Variants in PRAME observed in about 807,000 individuals in gnomAD.
PRAME encodes PRAME nuclear receptor transcriptional regulator, also known as melanoma antigen preferentially expressed in tumors.
A neutral mutation model predicts 32.1 loss-of-function variants in PRAME; 21 were observed. The observed-to-expected ratio is 0.65, with a 90% CI of 0.46 to 0.94. PRAME has a LOEUF of 0.94. Ranked by LOEUF, PRAME falls within the 40% of genes least tolerant of loss-of-function variation. The pLI, the probability that PRAME is intolerant of heterozygous loss-of-function variation, is 0.00. For missense variants in PRAME, 651 were observed against 622.3 expected (o/e 1.05, Z -0.49); for synonymous variants, 274 against 251.5 (o/e 1.09, Z -0.85).
In PRAME at chr22:22,556,049, A is replaced by G. The variant is rs554077120; in HGVS notation, c.21+763T>C. 3 of 358,826 alleles carry G rather than the reference A, an allele frequency of 8.4e-6. No homozygotes were observed. The Admixed American group carries it at 9.0e-5, about 11-fold the overall frequency. The allele number at this position is 358,826 out of a possible 1,614,324, so 22.2% of individuals were successfully genotyped here. A position where few individuals can be genotyped will look rare whatever the true frequency, so the allele number is the denominator to read the frequency against. ...ACTCTTGTTGCCCAGGCTAGAGTGC[A>G]CTGGCACCATCTTGGCTCACTGCAA... On this transcript the variant is annotated intron_variant, in intron 3 of 5. Coordinates refer to ENST00000405655, the MANE Select transcript of PRAME (RefSeq NM_206956.3).
In PRAME at chr22:22,556,841, G is replaced by A. The variant is rs201666737; in HGVS notation, c.-9C>T. 6.2e-6 allele frequency: 10 copies of A among 1,612,762 alleles called. No homozygotes were observed. The highest frequency in any genetic ancestry group is 2.7e-5 in the African/African-American group (2 of 74,836). On this transcript the variant is annotated 5_prime_UTR_variant, in exon 3 of 6. Coordinates refer to ENST00000405655, the MANE Select transcript of PRAME (RefSeq NM_206956.3). The stretch of plus-strand genomic sequence containing the variant: ...AAACGCCTTCGTTCCATTTTGAAGC[G>A]ACTTAGGCTGGCCTCAGGACCTCCA...
chr22:22,548,282 C>G lies in PRAME; in HGVS notation c.1315G>C (p.Val439Leu), dbSNP rs147281170. The change falls in exon 6 of 6, where the codon GTG becomes CTG. Residue 439 changes from valine to leucine, a missense_variant. Transcript: ENST00000405655. The part of the protein sequence containing the change: ...HLIGLSNLTH[V>L]LYPVPLESYE... ...CTCTCCAGGGGGACAGGATACAGCA[C>G]GTGGGTCAGATTGCTCAGCCCGATG... 16 of 1,613,668 alleles carry G rather than the reference C, an allele frequency of 9.9e-6. No individual in the cohort carries two copies. The highest frequency in any genetic ancestry group is 1.3e-5 in the Non-Finnish European group (15 of 1,179,954).
Position 22,556,864 on chromosome 22 carries a change from C to T in PRAME, c.-32G>A, listed in dbSNP as rs767333663. The T allele has an allele frequency of 3.7e-6, 6 of 1,612,732 alleles. No homozygotes were observed. The highest frequency in any genetic ancestry group is 1.1e-5 in the South Asian group (1 of 91,074). On this transcript the variant is annotated 5_prime_UTR_variant, in exon 3 of 6. Transcript: ENST00000405655. ...GCGACTTAGGCTGGCCTCAGGACCT[C>T]CAACGCTTGGATTTCTAGGTCTCAG... is the stretch of plus-strand genomic sequence containing the variant.
In PRAME at chr22:22,549,666, T is replaced by C. The variant is rs2062451277; in HGVS notation, c.953+60A>G. ...CTGGCACATACAAGATATCCTTTATTGTTTACTGCAATAAGGAAGGGCTTG... is the reference window on the plus strand; with the variant it reads ...CTGGCACATACAAGATATCCTTTATCGTTTACTGCAATAAGGAAGGGCTTG... On this transcript the variant is annotated intron_variant, in intron 5 of 5. Coordinates refer to ENST00000405655, the MANE Select transcript of PRAME (RefSeq NM_206956.3). The C allele has an allele frequency of 1.3e-5, 19 of 1,519,496 alleles. No homozygotes were observed. In the South Asian group the frequency reaches 2.3e-4, roughly 18 times the overall value. The allele number at this position is 1,519,496 out of a possible 1,614,324, so 94.1% of individuals were successfully genotyped here.
In PRAME at chr22:22,548,662, G is replaced by C; in HGVS notation, c.954-19C>G. The C allele has an allele frequency of 6.5e-7, 1 of 1,545,922 alleles. No homozygotes were observed. The highest frequency in any genetic ancestry group is 8.8e-7 in the Non-Finnish European group (1 of 1,140,720). ...CACGTGCCTGCAAATAGACAAAGCAGTTAGTGCTGGGGAATGGTGGTAGTG... is the reference window on the plus strand; with the variant it reads ...CACGTGCCTGCAAATAGACAAAGCACTTAGTGCTGGGGAATGGTGGTAGTG... On this transcript the variant is annotated intron_variant, in intron 5 of 5. Transcript: ENST00000405655.
chr22:22,553,420 ATTAC>A (rs2062717339), intron 3 of PRAME, among the ~76,000 whole-genome samples: 1 of 151,966 alleles, frequency 6.6e-6, no homozygotes, highest in Admixed American at 6.6e-5. Flanking sequence ...GACTGAGTGG[ATTAC>A]CACAAAGACA....
At chr22:22,555,985 G>A in intron 3 of PRAME, 1 of 403,284 alleles carries the variant, frequency 2.5e-6, no homozygotes, top group South Asian at 1.8e-5. Flanking sequence ...GGTCCACAAT[G>A]CATTAAGATT....
At chr22:22,553,544 T>C (rs2062725889) in intron 3 of PRAME, among the ~76,000 whole-genome samples, 1 of 151,748 alleles carries the variant, frequency 6.6e-6, no homozygotes, top group African/African-American at 2.4e-5. Flanking sequence ...AAAGCCAAGG[T>C]AATCACTGAG....
At chr22:22,550,637 C>T in intron 4 of PRAME, 130 bp downstream of exon 4, 2 of 1,100,174 alleles carry the variant, frequency 1.8e-6, no homozygotes, top group Non-Finnish European at 2.6e-6. Flanking sequence ...GCCCCAAGGC[C>T]TCCCTGAACT....
At position 22,549,976 on chromosome 22, in the gene PRAME, T is replaced by C. The variant is rs568501247; in HGVS notation, c.703A>G (p.Ile235Val). 9.9e-6 allele frequency: 16 copies of C among 1,613,780 alleles called. No individual in the cohort carries two copies. In the African/African-American group the frequency reaches 1.5e-4, roughly 15 times the overall value. ...MILKMVQLDSIEDLEVTCTWK... is the reference protein window; with the variant it reads ...MILKMVQLDSVEDLEVTCTWK... ...GTACAAGTCACTTCCAAATCTTCAA[T>C]AGAGTCCAGCTGCACCATTTTCAGG... Residue 235 changes from isoleucine (I) to valine (V), a missense_variant, in exon 5 of 6, where the codon ATT (isoleucine) becomes GTT (valine). Physicochemically the swap from Ile to Val is conservative, Grantham distance 29. Coordinates refer to ENST00000405655, the MANE Select transcript of PRAME (RefSeq NM_206956.3).
At position 22,551,043 on chromosome 22, in the gene PRAME, G is replaced by A. The variant is rs747994687; in HGVS notation, c.68C>T (p.Pro23Leu). Residue 23 changes from proline to leucine, a missense_variant, in exon 4 of 6, where the codon CCA (proline) becomes CTA (leucine). By Grantham distance (98) the Pro-to-Leu change is moderately conservative. Coordinates refer to ENST00000405655, the MANE Select transcript of PRAME (RefSeq NM_206956.3). ...RYISMSVWTS[P>L]RRLVELAGQS... ...CCCTGCCAGCTCCACAAGTCTCCGT[G>A]GGCTTGTCCACACACTCATGCTGAT... 2 of 1,607,286 alleles carry A rather than the reference G, an allele frequency of 1.2e-6. No individual in the cohort carries two copies. The highest frequency in any genetic ancestry group is 1.3e-5 in the African/African-American group (1 of 74,720).
intron 3 of PRAME, among the ~76,000 whole-genome samples, chr22:22,553,557 AG>A (rs2062726975): frequency 6.6e-6 from 1 of 151,940 alleles, no homozygotes; most frequent in African/African-American, 2.4e-5. Context: ...TCACTGAGGC[AG>A]GGAGGGAGTT....
chr22:22,556,802 A>G lies in PRAME; in HGVS notation c.21+10T>C. The G allele has an allele frequency of 6.2e-7, 1 of 1,612,522 alleles. No homozygotes were observed. The highest frequency in any genetic ancestry group is 8.5e-7 in the Non-Finnish European group (1 of 1,179,782). ...CTGAGCACCTCAGACAGCTCAGGGG[A>G]CCTTCTTACCCACAAACGCCTTCGT... On this transcript the variant is annotated intron_variant, in intron 3 of 5. Coordinates refer to ENST00000405655, the MANE Select transcript of PRAME (RefSeq NM_206956.3).
rs1443095862 is a variant in PRAME, at chr22:22,559,184, G to T, written c.-327C>A. 1 of 285,688 alleles carries T rather than the reference G, an allele frequency of 3.5e-6. No homozygotes were observed. The highest frequency in any genetic ancestry group is 6.8e-6 in the Non-Finnish European group (1 of 147,672). The allele number at this position is 285,688 out of a possible 1,614,324, so 17.7% of individuals were successfully genotyped here. On this transcript the variant is annotated 5_prime_UTR_variant, in exon 1 of 6. In the 5' UTR this introduces an upstream ATG that the reference lacks. Coordinates refer to ENST00000405655, the MANE Select transcript of PRAME (RefSeq NM_206956.3). Reference sequence around the variant, plus strand: ...TGTCGCCAATACAGACCTGTTGACAGGTCACGCCTGGGAAGCGGGTGGGGT... The same window carrying T: ...TGTCGCCAATACAGACCTGTTGACATGTCACGCCTGGGAAGCGGGTGGGGT...
chr22:22,552,951 G>A (rs542483896), intron 3 of PRAME: 4 of 470,558 alleles, frequency 8.5e-6, no homozygotes, highest in East Asian at 7.0e-5. Context: ...TCAACTCCAC[G>A]CTGCCAACGG....
intron 3 of PRAME, chr22:22,552,718 C>A: frequency 3.0e-6 from 1 of 331,038 alleles, no homozygotes; most frequent in Non-Finnish European, 6.3e-6. Flanking sequence ...AAAGGAAAAC[C>A]ATCTAAGCAG....
chr22:22,551,964 C>T (rs2062603129), intron 3 of PRAME, among the ~76,000 whole-genome samples: 1 of 151,120 alleles, frequency 6.6e-6, no homozygotes, highest in African/African-American at 2.4e-5. Context: ...ACTACAGTTA[C>T]CATCTTGTAT....
At chr22:22,553,990 T>G (rs1276690067) in intron 3 of PRAME, 1 of 985,080 alleles carries the variant, frequency 1.0e-6, no homozygotes, top group African/African-American at 1.7e-5. Context: ...GCCCCTAAGC[T>G]GCTCAGGTAC....
In PRAME at chr22:22,548,119, C is replaced by T; in HGVS notation, c.1478G>A (p.Arg493Lys). The change falls in exon 6 of 6, where the codon AGA (arginine) becomes AAA (lysine). Residue 493 changes from arginine (R) to lysine (K), a missense_variant. Physicochemically the swap from Arg to Lys is conservative, Grantham distance 26 (BLOSUM62 2). Transcript: ENST00000405655. ...SANPCPHCGD[R>K]TFYDPEPILC... ...GATGGGCTCCGGGTCATAGAAGGTT[C>T]TGTCCCCACAGTGAGGACAGGGGTT... 1.2e-6 allele frequency: 2 copies of T among 1,613,818 alleles called. No homozygotes were observed. Among genetic ancestry groups the T allele is most frequent in the Non-Finnish European group, 1.7e-6 (2 of 1,179,946 alleles).
Sources: gnomAD v4.1 joint callset for allele counts (sites outside exome capture counted in the v4.1 genomes callset) on GRCh38, gnomAD v4.1.1 for gene constraint, MANE v1.5 for transcripts, NCBI Gene and HGNC (gene_info 2026-07-23, HGNC 2026-07-21) for gene names.